RGS17: variants seen among roughly 807,000 people sequenced by gnomAD.
RGS17 encodes the protein regulator of G protein signaling 17.
In RGS17, 12 loss-of-function variants were observed where a neutral mutation model predicts 25.5. That is an observed-to-expected ratio of 0.47 (90% CI 0.30 to 0.76). The LOEUF is 0.76. Ranked by LOEUF, RGS17 falls within the 30% of genes least tolerant of loss-of-function variation. The probability of loss-of-function intolerance (pLI) is 0.07; values close to 1 mark genes in which losing one functional copy is unlikely to be tolerated. For missense variants in RGS17, 196 were observed against 242.2 expected, an observed-to-expected ratio of 0.81 and a Z score of 1.27; for synonymous variants, 71 against 76.9, an observed-to-expected ratio of 0.92 and a Z score of 0.40.
intron 1 of RGS17, among the ~76,000 whole-genome samples, chr6:153,112,074 G>A (rs924600720): frequency 6.6e-6 from 1 of 152,174 alleles, no homozygotes; most frequent in Admixed American, 6.5e-5. Flanking sequence ...AAAACTGGAC[G>A]GAGAATGAGT....
intron 1 of RGS17, among the ~76,000 whole-genome samples, chr6:153,103,783 G>A (rs538140786): frequency 6.6e-6 from 1 of 152,252 alleles, no homozygotes; most frequent in South Asian, 2.1e-4. Flanking sequence ...GCTATTAAAC[G>A]TTTTAAGACA....
chr6:153,118,907 A>G (rs1754391368), intron 1 of RGS17, among the ~76,000 whole-genome samples: 1 of 152,026 alleles, frequency 6.6e-6, no homozygotes. Context: ...AAAAATCTCC[A>G]CATCCTCGGT....
chr6:153,051,353 G>A (rs1445357804), intron 1 of RGS17, among the ~76,000 whole-genome samples: 1 of 152,180 alleles, frequency 6.6e-6, no homozygotes, highest in Admixed American at 6.5e-5. Context: ...GAGCTGTAGA[G>A]AAAGCTTCCA....
intron 2 of RGS17, among the ~76,000 whole-genome samples, chr6:153,041,136 G>A (rs941182847): frequency 3.7e-4 from 56 of 152,146 alleles, no homozygotes; most frequent in African/African-American, 1.3e-3. Context: ...CTGCAATCAA[G>A]CCTGCATGAC....
chr6:153,109,732 G>A (rs9384077), intron 1 of RGS17, among the ~76,000 whole-genome samples: 70,774 of 151,782 alleles, frequency 0.47, 17,097 homozygotes, highest in East Asian at 0.85. Flanking sequence ...AGGAGATGAG[G>A]AAAAAAAGGA....
rs1199437911 is a variant in RGS17, at chr6:153,054,092, T to TTATATA, written c.-25-10055_-25-10050dup. Among the ~76,000 whole-genome samples, 204 of 42,088 alleles carry TTATATA rather than the reference T, an allele frequency of 4.8e-3. 27 individuals carry two copies. The highest frequency in any genetic ancestry group is 0.022 in the East Asian group (21 of 942). The allele number at this position is 42,088 out of a possible 152,430, so 27.6% of individuals were successfully genotyped here. On this transcript the variant is annotated intron_variant, in intron 1 of 4. Transcript: ENST00000206262. ...CATATATATATACACACAATATTTT[T>TTATATA]TATATATATATATATATATATGTGT... is the stretch of plus-strand genomic sequence containing the variant.
chr6:153,081,214 T>C (rs560004357), intron 1 of RGS17, among the ~76,000 whole-genome samples: 2 of 152,256 alleles, frequency 1.3e-5, no homozygotes, highest in South Asian at 4.1e-4. Context: ...CCAATTATTA[T>C]TGTCAATTTT....
intron 1 of RGS17, among the ~76,000 whole-genome samples, chr6:153,126,141 C>G (rs754334412): frequency 5.3e-5 from 8 of 152,222 alleles, no homozygotes; most frequent in Non-Finnish European, 1.2e-4. Flanking sequence ...TTTAGCTTAA[C>G]TGACTCATTC....
chr6:153,019,118 T>C (rs924432471), intron 4 of RGS17, among the ~76,000 whole-genome samples: 1 of 152,228 alleles, frequency 6.6e-6, no homozygotes, highest in African/African-American at 2.4e-5. Context: ...ATCACAGATA[T>C]CACGGGTTTT....
chr6:153,081,791 A>G (rs1445431534), intron 1 of RGS17, among the ~76,000 whole-genome samples: 3 of 152,210 alleles, frequency 2.0e-5, no homozygotes, highest in Non-Finnish European at 4.4e-5. Flanking sequence ...AAAAAAAGAA[A>G]AGGAAAGAAA....
At chr6:153,028,591 GA>G (rs1779328408) in intron 2 of RGS17, among the ~76,000 whole-genome samples, 1 of 152,090 alleles carries the variant, frequency 6.6e-6, no homozygotes, top group Non-Finnish European at 1.5e-5. Flanking sequence ...GTCATGATGG[GA>G]AAAGTGGATG....
chr6:153,124,383 T>C (rs962772211), intron 1 of RGS17, among the ~76,000 whole-genome samples: 1 of 152,116 alleles, frequency 6.6e-6, no homozygotes, highest in African/African-American at 2.4e-5. Flanking sequence ...ACGAAATACA[T>C]GGAGAACAAC....
At chr6:153,055,012 A>G (rs1054784739) in intron 1 of RGS17, among the ~76,000 whole-genome samples, 11 of 152,226 alleles carry the variant, frequency 7.2e-5, no homozygotes, top group African/African-American at 1.9e-4. Flanking sequence ...TTTGCTACAT[A>G]GCTGGGGCGT....
rs1456964170 is a variant in RGS17 at position 153,010,857 on chromosome 6, T to C, written c.*717A>G. 4 of 151,864 alleles carry C rather than the reference T, an allele frequency of 2.6e-5. No individual in the cohort carries two copies. Among genetic ancestry groups the C allele is most frequent in the Non-Finnish European group, 5.9e-5 (4 of 67,808 alleles). The allele number at this position is 151,864 out of a possible 1,614,324, so 9.4% of individuals were successfully genotyped here. Reference sequence around the variant, plus strand: ...GTCATTGAGATAGGATATCTTCAAATTGTTTTGTGCTTTTTTCCTTCTTCC... The same window carrying C: ...GTCATTGAGATAGGATATCTTCAAACTGTTTTGTGCTTTTTTCCTTCTTCC... On this transcript the variant is annotated 3_prime_UTR_variant, in exon 5 of 5. Transcript: ENST00000206262.
intron 1 of RGS17, among the ~76,000 whole-genome samples, chr6:153,053,740 C>T (rs1458101485): frequency 6.6e-6 from 1 of 150,554 alleles, no homozygotes; most frequent in African/African-American, 2.5e-5. Flanking sequence ...CTGCAGTGAC[C>T]TAGGATCGCA....
intron 3 of RGS17, among the ~76,000 whole-genome samples, chr6:153,025,748 T>C (rs1168056459): frequency 6.7e-6 from 1 of 148,424 alleles, no homozygotes; most frequent in Non-Finnish European, 1.5e-5. Flanking sequence ...TAAATACATA[T>C]ACACATAAAA....
intron 1 of RGS17, among the ~76,000 whole-genome samples, chr6:153,082,900 T>G (rs999845145): frequency 3.3e-5 from 5 of 152,154 alleles, no homozygotes; most frequent in Non-Finnish European, 7.3e-5. Context: ...CCAGGGCCAG[T>G]GCAGTCCTAC....
In RGS17 at chr6:153,044,345, C is replaced by T. The variant is rs188787348; in HGVS notation, c.-25-302G>A. 6.5e-4 allele frequency among the ~76,000 whole-genome samples: 99 copies of T among 152,180 alleles called. 2 individuals are homozygous for T. In the East Asian group the frequency reaches 0.018, roughly 27 times the overall value. On this transcript the variant is annotated intron_variant, in intron 1 of 4. Coordinates refer to ENST00000206262, the MANE Select transcript of RGS17 (RefSeq NM_012419.5). ...GGTTTGAAAATTTATTTTTAACTTC[C>T]TTCTTTACTCAAGAATGATTAAATC... is the stretch of plus-strand genomic sequence containing the variant.
intron 3 of RGS17, among the ~76,000 whole-genome samples, chr6:153,024,944 A>AT (rs1168037071): frequency 6.6e-6 from 1 of 151,466 alleles, no homozygotes; most frequent in Non-Finnish European, 1.5e-5. Flanking sequence ...TCTGGTGGCC[A>AT]TTTTTTTCAT....
Sources: allele counts gnomAD v4.1 joint callset (sites outside exome capture counted in the v4.1 genomes callset), GRCh38; gene constraint gnomAD v4.1.1; transcripts MANE v1.5; gene names NCBI Gene and HGNC (gene_info 2026-07-23, HGNC 2026-07-21).